SORCS3: variants seen among roughly 807,000 people sequenced by gnomAD.
The protein encoded by SORCS3 is VPS10 domain-containing receptor SorCS3.
Under a neutral mutation model 146.3 loss-of-function variants are expected in SORCS3, and 57 were observed. That is an observed-to-expected ratio of 0.39 (90% CI 0.31 to 0.49). The LOEUF is 0.49. Ranked by LOEUF, SORCS3 falls within the 20% of genes least tolerant of loss-of-function variation. The pLI is 0.92. For synonymous variants in SORCS3, 653 were observed against 618.5 expected (o/e 1.06, Z -0.83); for missense variants, 1,341 against 1,575.5 (o/e 0.85, Z 2.52).
chr10:104,795,208 A>T (rs1021899411), intron 1 of SORCS3, among the ~76,000 whole-genome samples: 2 of 152,212 alleles, frequency 1.3e-5, no homozygotes, highest in African/African-American at 2.4e-5. Flanking sequence ...ACACTTGAAG[A>T]TATAACGAAG....
chr10:105,019,691 A>G (rs2055187934), intron 4 of SORCS3, among the ~76,000 whole-genome samples: 1 of 152,172 alleles, frequency 6.6e-6, no homozygotes, highest in African/African-American at 2.4e-5. Context: ...TTGATAGGCA[A>G]TTATTCTACC....
intron 1 of SORCS3, among the ~76,000 whole-genome samples, chr10:104,811,943 C>A (rs543321545): frequency 6.6e-6 from 1 of 152,076 alleles, no homozygotes; most frequent in African/African-American, 2.4e-5. Flanking sequence ...GACTATTATG[C>A]AATCTATGCA....
chr10:104,920,563 A>T (rs2019077112), intron 3 of SORCS3, among the ~76,000 whole-genome samples: 1 of 152,172 alleles, frequency 6.6e-6, no homozygotes, highest in Non-Finnish European at 1.5e-5. Context: ...AAGAAAATAG[A>T]CTTTGATAAA....
chr10:104,689,407 G>A (rs1232466375), intron 1 of SORCS3, among the ~76,000 whole-genome samples: 2 of 152,168 alleles, frequency 1.3e-5, no homozygotes, highest in Non-Finnish European at 2.9e-5. Context: ...TGGACTTGTG[G>A]TTGTTTGTTT....
chr10:105,220,005 G>C (rs1314009689), intron 19 of SORCS3, among the ~76,000 whole-genome samples: 1 of 152,112 alleles, frequency 6.6e-6, no homozygotes, highest in African/African-American at 2.4e-5. Context: ...ACTGCTCTTG[G>C]CCTTACCCTG....
At chr10:105,208,732 C>G (rs757666973) in intron 16 of SORCS3, among the ~76,000 whole-genome samples, 1 of 151,678 alleles carries the variant, frequency 6.6e-6, no homozygotes, top group Non-Finnish European at 1.5e-5. Flanking sequence ...AAATTTCATA[C>G]AGTTTCATTT....
intron 1 of SORCS3, among the ~76,000 whole-genome samples, chr10:104,831,461 G>T (rs965021516): frequency 3.3e-5 from 5 of 152,150 alleles, no homozygotes; most frequent in Non-Finnish European, 5.9e-5. Context: ...GCCCCAAACG[G>T]TACCAAGATA....
intron 4 of SORCS3, among the ~76,000 whole-genome samples, chr10:105,042,483 T>C (rs1159304826): frequency 1.3e-5 from 2 of 152,300 alleles, no homozygotes; most frequent in African/African-American, 4.8e-5. Context: ...TAGTCACTTA[T>C]AGGGATGCTG....
intron 4 of SORCS3, among the ~76,000 whole-genome samples, chr10:104,979,936 A>G (rs1048040279): frequency 6.6e-6 from 1 of 152,180 alleles, no homozygotes; most frequent in Non-Finnish European, 1.5e-5. Flanking sequence ...TTTTATTTCT[A>G]TAGAGGCAAG....
intron 7 of SORCS3, among the ~76,000 whole-genome samples, chr10:105,129,331 C>CTCTCTCTCTCTTTTT (rs1172062304): frequency 1.1e-3 from 111 of 104,612 alleles, no homozygotes; most frequent in African/African-American, 4.2e-3. Flanking sequence ...CTTTCTTTCT[C>CTCTCTCTCTCTTTTT]TTTTTTTTTT....
chr10:104,792,147 T>C (rs531994109), intron 1 of SORCS3, among the ~76,000 whole-genome samples: 19 of 152,180 alleles, frequency 1.2e-4, no homozygotes, highest in African/African-American at 1.7e-4. Context: ...TGGGCCAGTG[T>C]CTACCTTCTT....
chr10:105,147,668 G>A lies in SORCS3; in HGVS notation c.1354G>A (p.Glu452Lys). ...GAACCAAGTATTTGCTGCGGTCCAA[G>A]AATGGAACCAGAACGACACGTACAA... Reference protein sequence around the residue: ...DENQVFAAVQEWNQNDTYNLY... With the variant: ...DENQVFAAVQKWNQNDTYNLY... Residue 452 changes from glutamate to lysine, a missense_variant, in exon 9 of 27, where the codon GAA (glutamate) becomes AAA (lysine). Coordinates refer to ENST00000369701, the MANE Select transcript of SORCS3 (RefSeq NM_014978.3). 1.2e-6 allele frequency: 2 copies of A among 1,613,040 alleles called. No homozygotes were observed. Among genetic ancestry groups the A allele is most frequent in the South Asian group, 2.2e-5 (2 of 91,036 alleles).
intron 1 of SORCS3, among the ~76,000 whole-genome samples, chr10:104,740,619 C>T (rs2016830117): frequency 6.6e-6 from 1 of 152,166 alleles, no homozygotes; most frequent in African/African-American, 2.4e-5. Flanking sequence ...GGGATTCCAG[C>T]TTCAGGGTGT....
intron 14 of SORCS3, among the ~76,000 whole-genome samples, chr10:105,178,807 C>A (rs1318820790): frequency 6.6e-6 from 1 of 152,156 alleles, no homozygotes; most frequent in Non-Finnish European, 1.5e-5. Context: ...CTCCCCTACT[C>A]CCATTTGGCT....
intron 14 of SORCS3, among the ~76,000 whole-genome samples, chr10:105,196,294 C>T (rs1050473797): frequency 6.6e-6 from 1 of 152,168 alleles, no homozygotes; most frequent in Admixed American, 6.5e-5. Flanking sequence ...GTTGTTAGAA[C>T]CTTTGTCTGT....
intron 19 of SORCS3, chr10:105,217,732 CAAAAG>C (rs1358066530): frequency 2.2e-6 from 1 of 445,566 alleles, no homozygotes; most frequent in African/African-American, 2.0e-5. Flanking sequence ...TGGCACAAAC[CAAAAG>C]AACAGTTGGT....
chr10:104,955,537 A>C (rs11192250), intron 3 of SORCS3, among the ~76,000 whole-genome samples: 29,322 of 152,118 alleles, frequency 0.19, 3,500 homozygotes, highest in African/African-American at 0.33. Flanking sequence ...TATACTTAGG[A>C]GTTAAATTTG....
chr10:104,829,961 T>C (rs1003405665), intron 1 of SORCS3, among the ~76,000 whole-genome samples: 3 of 152,174 alleles, frequency 2.0e-5, no homozygotes, highest in Non-Finnish European at 2.9e-5. Context: ...GGTATACATG[T>C]GCCATGGTGG....
At chr10:105,007,645 C>A (rs970812511) in intron 4 of SORCS3, among the ~76,000 whole-genome samples, 1 of 151,946 alleles carries the variant, frequency 6.6e-6, no homozygotes, top group African/African-American at 2.4e-5. Flanking sequence ...TTTTTCTGAA[C>A]CCCCTCCCCC....
Sources: allele counts gnomAD v4.1 joint callset (sites outside exome capture counted in the v4.1 genomes callset), GRCh38; gene constraint gnomAD v4.1.1; transcripts MANE v1.5; gene names NCBI Gene and HGNC (gene_info 2026-07-23, HGNC 2026-07-21).